CNTN3: variants seen among roughly 807,000 people sequenced by gnomAD.
CNTN3 encodes contactin-3.
Under a neutral mutation model 119.1 loss-of-function variants are expected in CNTN3, and 60 were observed. That is an observed-to-expected ratio of 0.50 (90% CI 0.41 to 0.62). The LOEUF is 0.62. CNTN3 is among the 20% of genes least tolerant of loss of function. The pLI, the probability that CNTN3 is intolerant of heterozygous loss-of-function variation, is 0.00. For synonymous variants in CNTN3, 450 were observed against 438.7 expected, an observed-to-expected ratio of 1.03 and a Z score of -0.32; for missense variants, 1,101 against 1,242.4, an observed-to-expected ratio of 0.89 and a Z score of 1.71.
At chr3:74,519,270 T>C (rs1279215553) in intron 2 of CNTN3, among the ~76,000 whole-genome samples, 1 of 151,810 alleles carries the variant, frequency 6.6e-6, no homozygotes, top group East Asian at 1.9e-4. Context: ...TACAAATCCT[T>C]ATAACGTTTT....
chr3:74,601,881 C>T (rs1704916777), intron 1 of CNTN3, among the ~76,000 whole-genome samples: 1 of 152,056 alleles, frequency 6.6e-6, no homozygotes, highest in Admixed American at 6.6e-5. Context: ...GAATAATTTC[C>T]ATCAGGGAGC....
At chr3:74,381,645 C>T (rs1044070737) in intron 5 of CNTN3, among the ~76,000 whole-genome samples, 2 of 152,092 alleles carry the variant, frequency 1.3e-5, no homozygotes, top group African/African-American at 2.4e-5. Flanking sequence ...ATTCCTACCC[C>T]CCTACACTAT....
Position 74,267,275 on chromosome 3 carries a change from T to C in CNTN3, c.2808A>G (p.Thr936=). The C allele has an allele frequency of 6.2e-7, 1 of 1,606,390 alleles. No homozygotes were observed. The change falls in exon 21 of 23, where the codon ACA becomes ACG. Residue 936 remains threonine (T), a synonymous_variant. Transcript: ENST00000263665. The part of the protein sequence containing the change: ...VKAMENESEV[T]GYKVFYRTSS... ...AAATGAGAAAACTTACTTTATATCC[T>C]GTTACTTCTGACTCATTCTCCATGG...
chr3:74,548,900 T>C (rs1171570433), intron 1 of CNTN3, among the ~76,000 whole-genome samples: 2 of 152,200 alleles, frequency 1.3e-5, no homozygotes, highest in Admixed American at 1.3e-4. Context: ...TAGACAACAA[T>C]GTACATTCAT....
At chr3:74,468,478 G>A (rs1489736749) in intron 4 of CNTN3, among the ~76,000 whole-genome samples, 2 of 152,144 alleles carry the variant, frequency 1.3e-5, no homozygotes, top group Non-Finnish European at 2.9e-5. Flanking sequence ...GTACCAAAGA[G>A]TCTAACTTAC....
intron 4 of CNTN3, among the ~76,000 whole-genome samples, chr3:74,429,058 C>A (rs981362619): frequency 7.2e-5 from 11 of 152,096 alleles, no homozygotes; most frequent in Admixed American, 5.9e-4. Context: ...TTGATGAAAT[C>A]ACCTAATGAT....
Position 74,263,131 on chromosome 3 carries a change from T to A in CNTN3, c.*1270A>T, listed in dbSNP as rs1701606224. 6.6e-6 allele frequency: 1 copy of A among 152,164 alleles called. No homozygotes were observed. Among genetic ancestry groups the A allele is most frequent in the African/African-American group, 2.4e-5 (1 of 41,462 alleles). 9.4% of individuals were successfully genotyped at this position (152,164 alleles called of 1,614,324 possible). On this transcript the variant is annotated 3_prime_UTR_variant, in exon 23 of 23. Transcript: ENST00000263665. ...AGGTAAAAAACTGATTTTGCAATGT[T>A]GAAAACTCAATCTGCTGATTTTAAT...
intron 1 of CNTN3, among the ~76,000 whole-genome samples, chr3:74,587,409 C>T (rs775213653): frequency 5.9e-5 from 9 of 152,026 alleles, no homozygotes; most frequent in Admixed American, 4.6e-4. Flanking sequence ...AACTGCACAA[C>T]TTATCATGTT....
intron 5 of CNTN3, among the ~76,000 whole-genome samples, chr3:74,394,927 T>C (rs1705007854): frequency 6.6e-6 from 1 of 152,186 alleles, no homozygotes; most frequent in Non-Finnish European, 1.5e-5. Context: ...ATGACTCTTT[T>C]ATTGTACATT....
At chr3:74,595,944 T>C (rs551025880) in intron 1 of CNTN3, among the ~76,000 whole-genome samples, 85 of 151,996 alleles carry the variant, frequency 5.6e-4, no homozygotes, top group African/African-American at 1.5e-3. Context: ...GAAAACCCCA[T>C]TGTCTCAGCC....
At chr3:74,605,741 T>C (rs1344117119) in intron 1 of CNTN3, among the ~76,000 whole-genome samples, 1 of 152,184 alleles carries the variant, frequency 6.6e-6, no homozygotes, top group African/African-American at 2.4e-5. Context: ...GCAGACTCAG[T>C]GTGCAAGAAT....
intron 1 of CNTN3, among the ~76,000 whole-genome samples, chr3:74,528,368 C>T (rs1358378125): frequency 6.6e-6 from 1 of 151,822 alleles, no homozygotes; most frequent in Non-Finnish European, 1.5e-5. Flanking sequence ...AGGAAGGAAA[C>T]TAAATAGTAA....
At chr3:74,312,327 G>A (rs921666512) in intron 13 of CNTN3, among the ~76,000 whole-genome samples, 1 of 151,622 alleles carries the variant, frequency 6.6e-6, no homozygotes, top group Non-Finnish European at 1.5e-5. Flanking sequence ...GTGGTGGCGG[G>A]TGCCTGTAGT....
intron 1 of CNTN3, among the ~76,000 whole-genome samples, chr3:74,587,812 C>T (rs575876009): frequency 5.9e-5 from 9 of 152,142 alleles, no homozygotes; most frequent in Non-Finnish European, 1.2e-4. Context: ...ATTGCCCTGG[C>T]CAGAACTTCC....
At chr3:74,478,399 A>G (rs1344060503) in intron 4 of CNTN3, among the ~76,000 whole-genome samples, 1 of 152,098 alleles carries the variant, frequency 6.6e-6, no homozygotes, top group African/African-American at 2.4e-5. Context: ...TTCTCAAAAA[A>G]GGGTAAGGAG....
chr3:74,510,260 T>C (rs537400323), intron 2 of CNTN3, among the ~76,000 whole-genome samples: 1 of 57,920 alleles, frequency 1.7e-5, no homozygotes, highest in Non-Finnish European at 3.8e-5. Flanking sequence ...CACAATATAT[T>C]ATATAAAAAT....
At chr3:74,365,304 C>T (rs183885181) in intron 9 of CNTN3, among the ~76,000 whole-genome samples, 3 of 152,096 alleles carry the variant, frequency 2.0e-5, no homozygotes, top group East Asian at 1.9e-4. Context: ...ACCAAAAAAA[C>T]GGTAGATTAT....
chr3:74,275,706 C>T lies in CNTN3; in HGVS notation c.2705-8328G>A, dbSNP rs542215235. ...TCAAAGGACCTATAAAAAAAAAATA[C>T]AATTTAAAACATAAAAAGCAAAACC... is the stretch of plus-strand genomic sequence containing the variant. On this transcript the variant is annotated intron_variant, in intron 20 of 22. Transcript: ENST00000263665. Among the ~76,000 whole-genome samples the T allele has an allele frequency of 4.1e-4, 63 of 151,876 alleles. No homozygotes were observed. In the South Asian group the frequency reaches 0.011, roughly 28 times the overall value.
At chr3:74,453,499 T>A (rs926428778) in intron 4 of CNTN3, among the ~76,000 whole-genome samples, 2 of 152,210 alleles carry the variant, frequency 1.3e-5, no homozygotes, top group Non-Finnish European at 2.9e-5. Context: ...GAAGGGTTTT[T>A]TGTGTCTCTA....
Sources: gnomAD v4.1 joint callset for allele counts (sites outside exome capture counted in the v4.1 genomes callset) on GRCh38, gnomAD v4.1.1 for gene constraint, MANE v1.5 for transcripts, NCBI Gene and HGNC (gene_info 2026-07-23, HGNC 2026-07-21) for gene names.